The following MAP3K7CL variants were observed in gnomAD, a reference collection of about 807,000 sequenced individuals.
The protein encoded by MAP3K7CL is MAP3K7 C-terminal-like protein.
Under a neutral mutation model 18.6 loss-of-function variants are expected in MAP3K7CL, and 16 were observed. The observed-to-expected ratio is 0.86, with a 90% confidence interval of 0.58 to 1.31. The LOEUF is 1.31. Among genes scored for constraint, MAP3K7CL ranks in the 50% most tolerant of loss-of-function variants. The pLI, the probability that MAP3K7CL is intolerant of heterozygous loss-of-function variation, is 0.00. For synonymous variants in MAP3K7CL, 65 were observed against 66.8 expected (o/e 0.97, Z 0.13); for missense variants, 163 against 174.4 (o/e 0.93, Z 0.37).
Position 29,088,243 on chromosome 21 carries a change from T to TTAGG in MAP3K7CL, c.57+2327_57+2330dup, listed in dbSNP as rs200395924. Among the ~76,000 whole-genome samples the TTAGG allele has an allele frequency of 7.9e-4, 121 of 152,322 alleles. 1 individual carries two copies. In the East Asian group the frequency reaches 0.02, roughly 26 times the overall value. On this transcript the variant is annotated intron_variant, in intron 1 of 6. Transcript: ENST00000286791. ...GGTGAAGCTTTAATAGGCACACAAT[T>TTAGG]TAGGCTGTTGTATATATTCTGGATT...
intron 4 of MAP3K7CL, among the ~76,000 whole-genome samples, chr21:29,112,114 T>G (rs1337013918): frequency 6.6e-6 from 1 of 152,048 alleles, no homozygotes; most frequent in Non-Finnish European, 1.5e-5. Flanking sequence ...CTGGCCAACA[T>G]GGTGAAACCC....
intron 4 of MAP3K7CL, among the ~76,000 whole-genome samples, chr21:29,165,380 G>C (rs1188428874): frequency 2.0e-5 from 3 of 151,908 alleles, no homozygotes; most frequent in Non-Finnish European, 4.4e-5. Context: ...GTGGTGCTTG[G>C]TTACATGAAT....
intron 2 of MAP3K7CL, among the ~76,000 whole-genome samples, chr21:29,134,138 A>G (rs2086834600): frequency 6.6e-6 from 1 of 152,134 alleles, no homozygotes; most frequent in Admixed American, 6.5e-5. Flanking sequence ...CACATGCTTA[A>G]ACAACATTAC....
rs541618177 is a variant in MAP3K7CL at position 29,099,799 on chromosome 21, A to G, written c.370+7218A>G. ...CAGACTAATTTAAAAAAAACAAAAA[A>G]GGGGCCGGGCGCAGTGGCTCACGCC... On this transcript the variant is annotated intron_variant, in intron 4 of 6. Coordinates refer to the MAP3K7CL transcript ENST00000286791. 5.3e-5 allele frequency among the ~76,000 whole-genome samples: 8 copies of G among 152,138 alleles called. No individual in the cohort carries two copies. In the East Asian group the frequency reaches 5.8e-4, roughly 11 times the overall value.
intron 4 of MAP3K7CL, among the ~76,000 whole-genome samples, chr21:29,172,090 G>A (rs898327625): frequency 6.6e-6 from 1 of 151,492 alleles, no homozygotes; most frequent in Admixed American, 6.6e-5. Context: ...TTTAACCATG[G>A]TATAATAATT....
intron 4 of MAP3K7CL, among the ~76,000 whole-genome samples, chr21:29,171,189 T>C (rs932061483): frequency 6.6e-6 from 1 of 152,206 alleles, no homozygotes; most frequent in Non-Finnish European, 1.5e-5. Context: ...CATAAATTAC[T>C]GTATCTCTGA....
chr21:29,118,088 T>C (rs2086531079), intron 4 of MAP3K7CL, among the ~76,000 whole-genome samples: 1 of 146,214 alleles, frequency 6.8e-6, no homozygotes, highest in Admixed American at 6.9e-5. Context: ...TTTTTTAAAT[T>C]AAAAAAATTT....
intron 2 of MAP3K7CL, among the ~76,000 whole-genome samples, chr21:29,147,574 G>A (rs570200185): frequency 1.4e-4 from 21 of 151,794 alleles, no homozygotes; most frequent in Non-Finnish European, 2.4e-4. Flanking sequence ...ATATGTATGT[G>A]TACTGTGTAT....
At chr21:29,143,821 G>A (rs921318556) in intron 2 of MAP3K7CL, among the ~76,000 whole-genome samples, 3 of 152,266 alleles carry the variant, frequency 2.0e-5, no homozygotes, top group Non-Finnish European at 2.9e-5. Context: ...ATGATTGATT[G>A]TAAAACCCAG....
In MAP3K7CL at chr21:29,141,859, G is replaced by GT. The variant is rs573418708; in HGVS notation, c.71-7328dup. 2.6e-5 allele frequency among the ~76,000 whole-genome samples: 4 copies of GT among 152,004 alleles called. No homozygotes were observed. In the South Asian group the frequency reaches 6.2e-4, roughly 24 times the overall value. On this transcript the variant is annotated intron_variant, in intron 2 of 4. Transcript: ENST00000399928. Reference sequence around the variant, plus strand: ...AGCTTTTGTTGTGTCTTAAAACTATGTTATACTCTAACAAGGACTTGGGTA... The same window carrying GT: ...AGCTTTTGTTGTGTCTTAAAACTATGTTTATACTCTAACAAGGACTTGGGTA...
chr21:29,131,682 A>G (rs1472453017), intron 1 of MAP3K7CL, among the ~76,000 whole-genome samples: 1 of 152,240 alleles, frequency 6.6e-6, no homozygotes, highest in East Asian at 1.9e-4. Flanking sequence ...TAAATGGGCC[A>G]AATTATGATT....
chr21:29,172,432 A>G (rs1023359566), intron 4 of MAP3K7CL, among the ~76,000 whole-genome samples: 2 of 152,152 alleles, frequency 1.3e-5, no homozygotes, highest in African/African-American at 4.8e-5. Flanking sequence ...ATGTCTATTT[A>G]TCTCATGACT....
chr21:29,077,238 G>A (rs1043526949), upstream of MAP3K7CL, among the ~76,000 whole-genome samples: 1 of 152,374 alleles, frequency 6.6e-6, no homozygotes, highest in East Asian at 1.9e-4. Context: ...GGGCGCTGTG[G>A]AGCAGCGGGC....
intron 1 of MAP3K7CL, among the ~76,000 whole-genome samples, chr21:29,078,040 C>T (rs2085777829): frequency 1.3e-5 from 2 of 151,784 alleles, no homozygotes; most frequent in African/African-American, 4.8e-5. Flanking sequence ...AAGTTTTAAC[C>T]CCTGTACGTC....
chr21:29,149,292 T>A, intron 3 of MAP3K7CL, 42 bp downstream of exon 3: 1 of 1,566,062 alleles, frequency 6.4e-7, no homozygotes, highest in Non-Finnish European at 8.8e-7. Flanking sequence ...CTCCTTAGTG[T>A]CATAAAGTAT....
chr21:29,101,041 T>C (rs1283654448), intron 4 of MAP3K7CL, among the ~76,000 whole-genome samples: 2 of 151,384 alleles, frequency 1.3e-5, no homozygotes, highest in East Asian at 3.9e-4. Context: ...AATTAGTCTG[T>C]CACAGGAAGA....
At chr21:29,163,693 CTTTTTTT>C (rs397866386) in intron 4 of MAP3K7CL, among the ~76,000 whole-genome samples, 1 of 126,004 alleles carries the variant, frequency 7.9e-6, no homozygotes, top group Non-Finnish European at 1.7e-5. Flanking sequence ...CCCTTTCTTC[CTTTTTTT>C]TTTTTTTTTT....
At chr21:29,132,662 A>G (rs1195492990) in intron 1 of MAP3K7CL, among the ~76,000 whole-genome samples, 1 of 152,030 alleles carries the variant, frequency 6.6e-6, no homozygotes, top group Non-Finnish European at 1.5e-5. Context: ...GGTGCCTGCT[A>G]GCATGCCCCA....
intron 4 of MAP3K7CL, among the ~76,000 whole-genome samples, chr21:29,167,677 A>G (rs1177501560): frequency 6.7e-6 from 1 of 150,110 alleles, no homozygotes; most frequent in Admixed American, 6.7e-5. Flanking sequence ...TACCAAGATC[A>G]ACCAGAGAAG....
Sources: allele counts gnomAD v4.1 joint callset (sites outside exome capture counted in the v4.1 genomes callset), GRCh38; gene constraint gnomAD v4.1.1; transcripts MANE v1.5; gene names NCBI Gene and HGNC (gene_info 2026-07-23, HGNC 2026-07-21).